The following LINGO2 variants were observed in gnomAD, a reference collection of about 807,000 sequenced individuals.
LINGO2 encodes the protein leucine-rich repeat and immunoglobulin-like domain-containing nogo receptor-interacting protein 2.
A neutral mutation model predicts 30.6 loss-of-function variants in LINGO2; 14 were observed. The ratio of observed to expected loss-of-function variants is 0.46; its 90% CI spans 0.30 to 0.72. The LOEUF (loss-of-function observed/expected upper bound fraction) is 0.72, where lower values mean the gene tolerates loss of function less well. Ranked by LOEUF, LINGO2 falls within the 30% of genes least tolerant of loss-of-function variation. The pLI is 0.07. For missense variants in LINGO2, 729 were observed against 751.7 expected, an observed-to-expected ratio of 0.97 and a Z score of 0.35; for synonymous variants, 317 against 288.5, an observed-to-expected ratio of 1.10 and a Z score of -1.00.
chr9:28,412,443 A>G (rs1490057477), intron 2 of LINGO2, among the ~76,000 whole-genome samples: 2 of 152,098 alleles, frequency 1.3e-5, no homozygotes, highest in Non-Finnish European at 2.9e-5. Flanking sequence ...TAAAATAAAA[A>G]TTAAAAAACA....
chr9:28,382,120 T>C (rs62559511), intron 2 of LINGO2, among the ~76,000 whole-genome samples: 13,873 of 152,158 alleles, frequency 0.091, 827 homozygotes, highest in Admixed American at 0.15. Context: ...TAATAATACT[T>C]GCCTCAAGGT....
chr9:27,950,974 A>G (rs2383750), intron 5 of LINGO2, among the ~76,000 whole-genome samples: 81,708 of 151,996 alleles, frequency 0.54, 23,893 homozygotes, highest in East Asian at 0.8. Context: ...GACAATTTCA[A>G]TGTTTGACAA....
chr9:28,858,875 G>A, the LINGO2 span, among the ~76,000 whole-genome samples: 6 of 152,164 alleles, frequency 3.9e-5, no homozygotes, highest in East Asian at 5.8e-4. Context: ...TTTCCCAAAC[G>A]TAGCTCTTGT....
the LINGO2 span, among the ~76,000 whole-genome samples, chr9:29,044,069 G>A: frequency 6.6e-6 from 1 of 152,066 alleles, no homozygotes; most frequent in East Asian, 1.9e-4. Flanking sequence ...TATTAGGAGT[G>A]GGGACTTTAA....
chr9:28,526,268 A>C (rs549858936), intron 1 of LINGO2, among the ~76,000 whole-genome samples: 8 of 152,248 alleles, frequency 5.3e-5, no homozygotes, highest in African/African-American at 1.4e-4. Context: ...GCTTTAAAGA[A>C]AGAATCCTTT....
chr9:28,628,821 T>A (rs140749886), intron 1 of LINGO2, among the ~76,000 whole-genome samples: 23 of 152,180 alleles, frequency 1.5e-4, no homozygotes, highest in Admixed American at 3.3e-4. Context: ...GGTAATGTAA[T>A]GATTTTGTAC....
intron 2 of LINGO2, among the ~76,000 whole-genome samples, chr9:28,438,065 T>A (rs964985120): frequency 4.6e-5 from 7 of 152,300 alleles, no homozygotes; most frequent in Middle Eastern, 3.4e-3. Flanking sequence ...TCTCCTTTCC[T>A]TGTCACACCA....
intron 1 of LINGO2, among the ~76,000 whole-genome samples, chr9:28,493,256 C>G (rs994566493): frequency 2.0e-5 from 3 of 152,104 alleles, no homozygotes; most frequent in African/African-American, 7.2e-5. Flanking sequence ...TTAATACTTC[C>G]ACCTACATTT....
chr9:28,369,555 T>G (rs192920042), intron 3 of LINGO2, among the ~76,000 whole-genome samples: 1 of 152,296 alleles, frequency 6.6e-6, no homozygotes, highest in South Asian at 2.1e-4. Context: ...CTGCCTATTC[T>G]TATCTCTCCT....
the LINGO2 span, among the ~76,000 whole-genome samples, chr9:29,085,732 CAG>C: frequency 6.6e-6 from 1 of 152,102 alleles, no homozygotes; most frequent in Non-Finnish European, 1.5e-5. Flanking sequence ...ACTTTGTATA[CAG>C]AGTCTACCAT....
intron 4 of LINGO2, among the ~76,000 whole-genome samples, chr9:28,096,799 T>C (rs555466669): frequency 3.9e-5 from 6 of 152,178 alleles, no homozygotes; most frequent in Non-Finnish European, 7.3e-5. Context: ...CTGAAAATTT[T>C]GTAATGTCTT....
chr9:28,734,534 G>A, the LINGO2 span, among the ~76,000 whole-genome samples: 2 of 152,154 alleles, frequency 1.3e-5, no homozygotes, highest in African/African-American at 4.8e-5. Flanking sequence ...AGCACAGAGT[G>A]TTACGTAAGT....
the LINGO2 span, among the ~76,000 whole-genome samples, chr9:29,095,085 T>A: frequency 7.2e-6 from 1 of 138,824 alleles, no homozygotes; most frequent in Non-Finnish European, 1.6e-5. Context: ...TCATTGTAAC[T>A]CTGTCCTTCA....
chr9:28,776,919 G>A, the LINGO2 span, among the ~76,000 whole-genome samples: 6 of 151,484 alleles, frequency 4.0e-5, no homozygotes, highest in Non-Finnish European at 2.9e-5. Flanking sequence ...TTGTCAAATT[G>A]TAGGAGTGGC....
At chr9:28,899,478 G>A in the LINGO2 span, among the ~76,000 whole-genome samples, 1 of 152,184 alleles carries the variant, frequency 6.6e-6, no homozygotes, top group Admixed American at 6.5e-5. Flanking sequence ...ACTGACCACA[G>A]CACCAGGCTG....
At chr9:27,939,218 A>G in the LINGO2 span, 1 of 152,190 alleles carries the variant, frequency 6.6e-6, no homozygotes, top group African/African-American at 2.4e-5. Flanking sequence ...TTCTTATTAA[A>G]TGTTCTTTTG....
At chr9:28,632,881 TAGAGAGAGAGAG>T (rs36101397) in intron 1 of LINGO2, among the ~76,000 whole-genome samples, 4 of 61,914 alleles carry the variant, frequency 6.5e-5, no homozygotes, top group South Asian at 4.9e-4. Flanking sequence ...TATATATATG[TAGAGAGAGAGAG>T]AGAGAGAGAG....
At chr9:29,190,082 T>A in the LINGO2 span, among the ~76,000 whole-genome samples, 9 of 151,542 alleles carry the variant, frequency 5.9e-5, no homozygotes, top group African/African-American at 2.2e-4. Context: ...ACATTTCAAT[T>A]TTTACAACAT....
chr9:28,789,216 C>T, the LINGO2 span, among the ~76,000 whole-genome samples: 4 of 151,934 alleles, frequency 2.6e-5, no homozygotes, highest in African/African-American at 9.7e-5. Context: ...CCTATGAGTC[C>T]TTTAATGAAA....
Sources: gnomAD v4.1 joint callset for allele counts (sites outside exome capture counted in the v4.1 genomes callset) on GRCh38, gnomAD v4.1.1 for gene constraint, MANE v1.5 for transcripts, NCBI Gene and HGNC (gene_info 2026-07-23, HGNC 2026-07-21) for gene names.